Variants in DDX10 observed in about 807,000 individuals in gnomAD.
DDX10 encodes probable ATP-dependent RNA helicase DDX10.
In DDX10, 74 loss-of-function variants were observed where a neutral mutation model predicts 104.3. The ratio of observed to expected loss-of-function variants is 0.71; its 90% CI spans 0.59 to 0.86. DDX10 has a LOEUF of 0.86. DDX10 is among the 40% of genes least tolerant of loss of function. The pLI, the probability that DDX10 is intolerant of heterozygous loss-of-function variation, is 0.00. For synonymous variants in DDX10, 351 were observed against 353.4 expected, an observed-to-expected ratio of 0.99 and a Z score of 0.08; for missense variants, 952 against 1,040.0, an observed-to-expected ratio of 0.92 and a Z score of 1.16.
At chr11:108,929,279 T>G (rs1854391847) in intron 17 of DDX10, among the ~76,000 whole-genome samples, 3 of 152,014 alleles carry the variant, frequency 2.0e-5, no homozygotes, top group Non-Finnish European at 4.4e-5. Flanking sequence ...CAATAACTGA[T>G]GAGAGAGGAA....
At chr11:108,873,128 T>C (rs778839070) in intron 16 of DDX10, among the ~76,000 whole-genome samples, 20 of 152,190 alleles carry the variant, frequency 1.3e-4, no homozygotes, top group Non-Finnish European at 2.8e-4. Context: ...TCAGCAAATT[T>C]TGCATTGTCA....
intron 13 of DDX10, among the ~76,000 whole-genome samples, chr11:108,786,041 G>A (rs1479061017): frequency 6.6e-6 from 1 of 151,944 alleles, no homozygotes; most frequent in Non-Finnish European, 1.5e-5. Flanking sequence ...TATAAGTTGT[G>A]TCTCTGCTTT....
At chr11:108,809,190 G>C (rs556918101) in intron 13 of DDX10, among the ~76,000 whole-genome samples, 1 of 152,240 alleles carries the variant, frequency 6.6e-6, no homozygotes, top group Admixed American at 6.5e-5. Context: ...CAAACATTTA[G>C]TAGGCCACTG....
Position 108,823,638 on chromosome 11 carries a change from A to G in DDX10, c.1966-14808A>G, listed in dbSNP as rs566742026. 9.8e-5 allele frequency among the ~76,000 whole-genome samples: 15 copies of G among 152,290 alleles called. 1 individual carries two copies. In the East Asian group the frequency reaches 2.9e-3, roughly 29 times the overall value. ...TAAATCATAGAGAGATTCTCTCTCT[A>G]TGCACATGCATGTGTGTGTTTTTGT... On this transcript the variant is annotated intron_variant, in intron 13 of 17. Transcript: ENST00000322536.
chr11:108,679,542 A>G lies in DDX10; in HGVS notation c.830A>G (p.His277Arg), dbSNP rs201547993. 1.9e-6 allele frequency: 3 copies of G among 1,602,556 alleles called. No individual in the cohort carries two copies. The highest frequency in any genetic ancestry group is 2.7e-5 in the African/African-American group (2 of 74,118). The change falls in exon 6 of 18, where the codon CAT becomes CGT. Residue 277 changes from histidine (H) to arginine (R), a missense_variant. His to Arg is a conservative substitution (Grantham distance 29). Transcript: ENST00000322536. ...SLKNPEYVWV[H>R]EKAKYSTPAT... ...AAAAACCCTGAGTATGTCTGGGTTC[A>G]TGAAAAAGCAAAATATAGGTATGTA...
intron 13 of DDX10, among the ~76,000 whole-genome samples, chr11:108,777,448 G>A (rs911344221): frequency 4.6e-5 from 7 of 151,968 alleles, no homozygotes; most frequent in Admixed American, 1.3e-4. Flanking sequence ...CCAGCTTCCC[G>A]AGTAGCTGGG....
intron 16 of DDX10, among the ~76,000 whole-genome samples, chr11:108,881,688 A>G (rs548895199): frequency 2.6e-5 from 4 of 152,278 alleles, no homozygotes; most frequent in African/African-American, 9.6e-5. Context: ...ATGATAGGCT[A>G]ATGAAAGCAT....
intron 13 of DDX10, among the ~76,000 whole-genome samples, chr11:108,772,895 G>T (rs548020850): frequency 5.6e-4 from 86 of 152,272 alleles, no homozygotes; most frequent in Non-Finnish European, 1.0e-3. Flanking sequence ...AAAAGGTTGG[G>T]CATTGTTGGT....
At chr11:108,854,610 G>A (rs1862840234) in intron 16 of DDX10, among the ~76,000 whole-genome samples, 2 of 152,250 alleles carry the variant, frequency 1.3e-5, no homozygotes, top group Middle Eastern at 3.4e-3. Flanking sequence ...AGCAATCACT[G>A]CATAGAAACT....
intron 15 of DDX10, among the ~76,000 whole-genome samples, chr11:108,848,838 A>G (rs1454231747): frequency 6.6e-6 from 1 of 152,132 alleles, no homozygotes; most frequent in East Asian, 1.9e-4. Context: ...GTTTGGTGCC[A>G]GTGGAATCAG....
intron 13 of DDX10, among the ~76,000 whole-genome samples, chr11:108,834,847 G>A (rs1225673229): frequency 2.2e-5 from 3 of 134,826 alleles, no homozygotes; most frequent in Non-Finnish European, 3.1e-5. Flanking sequence ...AGAATGATGT[G>A]AACCCGGGAG....
chr11:108,884,511 C>T (rs1198780344), intron 16 of DDX10, among the ~76,000 whole-genome samples: 4 of 152,172 alleles, frequency 2.6e-5, no homozygotes, highest in African/African-American at 9.6e-5. Flanking sequence ...ATTTTTCCAG[C>T]CTTGATGTAG....
At chr11:108,803,612 CT>C (rs1258352690) in intron 13 of DDX10, among the ~76,000 whole-genome samples, 1 of 146,446 alleles carries the variant, frequency 6.8e-6, no homozygotes, top group Non-Finnish European at 1.5e-5. Context: ...AGAAAAAAAT[CT>C]TTGTTTTTCC....
At chr11:108,803,573 A>C (rs1204749506) in intron 13 of DDX10, among the ~76,000 whole-genome samples, 19 of 134,548 alleles carry the variant, frequency 1.4e-4, no homozygotes, top group Admixed American at 1.4e-3. Flanking sequence ...TAGCCTGGGC[A>C]ACAAGAGCGA....
chr11:108,786,166 ATCT>A (rs1031117939), intron 13 of DDX10, among the ~76,000 whole-genome samples: 4 of 151,894 alleles, frequency 2.6e-5, no homozygotes, highest in South Asian at 2.1e-4. Flanking sequence ...TTTTTGAGAA[ATCT>A]TCTTTATCAA....
chr11:108,804,091 T>C (rs1359081082), intron 13 of DDX10, among the ~76,000 whole-genome samples: 1 of 152,202 alleles, frequency 6.6e-6, no homozygotes, highest in African/African-American at 2.4e-5. Context: ...CTGGTTCTTG[T>C]AGCTAATTCA....
chr11:108,897,889 T>C (rs1222834174), intron 16 of DDX10, among the ~76,000 whole-genome samples: 1 of 152,090 alleles, frequency 6.6e-6, no homozygotes, highest in Non-Finnish European at 1.5e-5. Flanking sequence ...GGTGTATTAT[T>C]CTAGTATCAA....
At chr11:108,919,166 T>C (rs1280241286) in intron 17 of DDX10, 1 of 152,246 alleles carries the variant, frequency 6.6e-6, no homozygotes, top group Non-Finnish European at 1.5e-5. Context: ...AATTCAGTTT[T>C]CTGAGGTGAT....
At chr11:108,700,546 G>A (rs755536283) in intron 9 of DDX10, among the ~76,000 whole-genome samples, 10 of 152,200 alleles carry the variant, frequency 6.6e-5, no homozygotes, top group Non-Finnish European at 1.3e-4. Flanking sequence ...AAAGGTAGAT[G>A]TCTTCAAATT....
Sources: gnomAD v4.1 joint callset for allele counts (sites outside exome capture counted in the v4.1 genomes callset) on GRCh38, gnomAD v4.1.1 for gene constraint, MANE v1.5 for transcripts, NCBI Gene and HGNC (gene_info 2026-07-23, HGNC 2026-07-21) for gene names.